Variants in UNC5C observed in about 807,000 individuals in gnomAD.
UNC5C encodes the protein unc-5 netrin receptor C, also known as netrin receptor UNC5C.
A neutral mutation model predicts 99.8 loss-of-function variants in UNC5C; 47 were observed. The ratio of observed to expected loss-of-function variants is 0.47; its 90% CI spans 0.37 to 0.60. The LOEUF is 0.60. Among genes scored for constraint, UNC5C ranks in the 20% least tolerant of loss-of-function variants. The pLI is 0.00. For missense variants in UNC5C, 1,062 were observed against 1,165.9 expected (o/e 0.91, Z 1.30); for synonymous variants, 487 against 452.2 (o/e 1.08, Z -0.98).
intron 12 of UNC5C, among the ~76,000 whole-genome samples, chr4:95,190,627 C>G: frequency 6.6e-6 from 1 of 152,134 alleles, no homozygotes; most frequent in East Asian, 1.9e-4. Context: ...CCCCCTTGTA[C>G]AGTTCTATCT....
At chr4:95,200,740 A>G (rs1737623140) in intron 12 of UNC5C, among the ~76,000 whole-genome samples, 1 of 152,158 alleles carries the variant, frequency 6.6e-6, no homozygotes, top group African/African-American at 2.4e-5. Context: ...TCTCTGTTTC[A>G]AAATCTGCTC....
intron 4 of UNC5C, among the ~76,000 whole-genome samples, chr4:95,276,006 A>G (rs1421700958): frequency 6.6e-6 from 1 of 152,220 alleles, no homozygotes; most frequent in Non-Finnish European, 1.5e-5. Context: ...TTATGCTTAA[A>G]GATTCTTTAA....
intron 7 of UNC5C, among the ~76,000 whole-genome samples, chr4:95,236,128 T>C (rs1286600269): frequency 6.6e-6 from 1 of 152,144 alleles, no homozygotes. Flanking sequence ...TAAAGACACA[T>C]GCACATATAT....
At chr4:95,196,821 T>TTATATTTATGTAATATATAATATA (rs1560726705) in intron 12 of UNC5C, among the ~76,000 whole-genome samples, 16 of 520 alleles carry the variant, frequency 0.031, 1 homozygote, top group African/African-American at 0.083. Context: ...TAATATATAT[T>TTATATTTATGTAATATATAATATA]TATATATTAT....
At chr4:95,506,262 G>A (rs1377526237) in intron 1 of UNC5C, among the ~76,000 whole-genome samples, 1 of 152,020 alleles carries the variant, frequency 6.6e-6, no homozygotes. Context: ...ATTCAACTCT[G>A]CGGCAACCAG....
chr4:95,457,510 T>C (rs1747473856), intron 1 of UNC5C, among the ~76,000 whole-genome samples: 1 of 152,108 alleles, frequency 6.6e-6, no homozygotes, highest in Non-Finnish European at 1.5e-5. Flanking sequence ...GATTCTACTC[T>C]CAGGAACCAA....
In UNC5C at chr4:95,448,227, T is replaced by TGAGAGAGAGAGAGAGAGAGAGAGA. The variant is rs1208781802; in HGVS notation, c.124+100483_124+100506dup. Among the ~76,000 whole-genome samples the TGAGAGAGAGAGAGAGAGAGAGAGA allele has an allele frequency of 6.8e-4, 68 of 100,126 alleles. 1 individual carries two copies. Among genetic ancestry groups the TGAGAGAGAGAGAGAGAGAGAGAGA allele is most frequent in the African/African-American group, 1.7e-3 (42 of 24,816 alleles). 65.7% of individuals were successfully genotyped at this position (100,126 alleles called of 152,430 possible). A position where few individuals can be genotyped will look rare whatever the true frequency, so the allele number is the denominator to read the frequency against. On this transcript the variant is annotated intron_variant, in intron 1 of 15. Coordinates refer to ENST00000453304, the MANE Select transcript of UNC5C (RefSeq NM_003728.4). The stretch of plus-strand genomic sequence containing the variant: ...GTGTGTGTGTGTGTGTGTGTGTGTG[T>TGAGAGAGAGAGAGAGAGAGAGAGA]GAGAGAGAGAGAGAGAGAGAGAGAG...
intron 5 of UNC5C, among the ~76,000 whole-genome samples, chr4:95,249,460 G>T (rs2149381485): frequency 6.6e-6 from 1 of 152,314 alleles, no homozygotes; most frequent in South Asian, 2.1e-4. Context: ...TTCCCAGGTT[G>T]TTCAATTTCC....
At chr4:95,478,076 T>G (rs1338346632) in intron 1 of UNC5C, among the ~76,000 whole-genome samples, 4 of 152,122 alleles carry the variant, frequency 2.6e-5, no homozygotes, top group African/African-American at 9.6e-5. Flanking sequence ...GTTTTTTAGC[T>G]CACTCCTACC....
At chr4:95,402,661 T>C (rs1745732575) in intron 1 of UNC5C, among the ~76,000 whole-genome samples, 1 of 152,222 alleles carries the variant, frequency 6.6e-6, no homozygotes, top group Non-Finnish European at 1.5e-5. Context: ...CCTCTATCAC[T>C]ATATAAATAT....
intron 1 of UNC5C, among the ~76,000 whole-genome samples, chr4:95,424,513 CTTTTCTTTT>C (rs1692783685): frequency 1.2e-5 from 1 of 85,026 alleles, no homozygotes; most frequent in African/African-American, 4.4e-5. Flanking sequence ...TTTTTTTTTT[CTTTTCTTTT>C]TTTTTTTTTT....
chr4:95,535,358 T>C (rs1722747389), intron 1 of UNC5C, among the ~76,000 whole-genome samples: 1 of 152,212 alleles, frequency 6.6e-6, no homozygotes, highest in African/African-American at 2.4e-5. Flanking sequence ...CCTAATGGAA[T>C]GCAATTTTGT....
intron 1 of UNC5C, among the ~76,000 whole-genome samples, chr4:95,342,647 G>A (rs1743621117): frequency 6.6e-6 from 1 of 151,702 alleles, no homozygotes; most frequent in East Asian, 1.9e-4. Flanking sequence ...AAAAAGGGAG[G>A]GAAGAGTAAA....
chr4:95,226,878 G>A (rs1223734510), intron 7 of UNC5C, among the ~76,000 whole-genome samples: 1 of 151,966 alleles, frequency 6.6e-6, no homozygotes, highest in African/African-American at 2.4e-5. Flanking sequence ...TTTGGTGAGT[G>A]GAGGCCAAGG....
At chr4:95,434,385 C>T (rs1032197612) in intron 1 of UNC5C, among the ~76,000 whole-genome samples, 7 of 151,992 alleles carry the variant, frequency 4.6e-5, no homozygotes, top group South Asian at 4.1e-4. Flanking sequence ...ACTCTGTACC[C>T]GACAATGAAA....
chr4:95,234,928 A>T (rs926677027), intron 7 of UNC5C, among the ~76,000 whole-genome samples: 2 of 152,202 alleles, frequency 1.3e-5, no homozygotes, highest in Non-Finnish European at 2.9e-5. Flanking sequence ...AATCCAAGTT[A>T]TCACACAGTA....
At chr4:95,185,000 T>C (rs765245469) in intron 13 of UNC5C, 47 bp downstream of exon 13, 2 of 1,538,812 alleles carry the variant, frequency 1.3e-6, no homozygotes, top group Non-Finnish European at 1.7e-6. Context: ...TTTAGACCTC[T>C]TTCTTAGAGA....
intron 4 of UNC5C, among the ~76,000 whole-genome samples, chr4:95,275,295 T>G (rs1740820781): frequency 6.6e-6 from 1 of 152,096 alleles, no homozygotes; most frequent in Non-Finnish European, 1.5e-5. Context: ...CAGTAAGAAT[T>G]TTGAATTTAA....
chr4:95,434,445 G>A lies in UNC5C; in HGVS notation c.125-98814C>T, dbSNP rs183940975. Among the ~76,000 whole-genome samples the A allele has an allele frequency of 1.2e-4, 19 of 152,182 alleles. No homozygotes were observed. In the East Asian group the frequency reaches 3.7e-3, roughly 30 times the overall value. On this transcript the variant is annotated intron_variant, in intron 1 of 15. Transcript: ENST00000453304. ...AAGTGTTCTGGAAACGCAAGAAGGG[G>A]CACCTTACTTGAATCGGAGGGAAAG...
Sources: allele counts gnomAD v4.1 joint callset (sites outside exome capture counted in the v4.1 genomes callset), GRCh38; gene constraint gnomAD v4.1.1; transcripts MANE v1.5; gene names NCBI Gene and HGNC (gene_info 2026-07-23, HGNC 2026-07-21).